Variants in VGLL4 observed in about 807,000 individuals in gnomAD.
The protein encoded by VGLL4 is vestigial like family member 4, also known as transcription cofactor vestigial-like protein 4.
VGLL4 carries 7 observed loss-of-function variants against 21.0 expected under a neutral mutation model. The observed-to-expected ratio is 0.33, with a 90% CI of 0.19 to 0.63. The LOEUF (loss-of-function observed/expected upper bound fraction) is 0.63. Among genes scored for constraint, VGLL4 ranks in the 20% least tolerant of loss-of-function variants. VGLL4 has a pLI of 0.78. For missense variants in VGLL4, 394 were observed against 425.7 expected, an observed-to-expected ratio of 0.93 and a Z score of 0.66; for synonymous variants, 222 against 173.2, an observed-to-expected ratio of 1.28 and a Z score of -2.21.
chr3:11,578,493 G>A (rs2125217517), intron 2 of VGLL4, among the ~76,000 whole-genome samples: 1 of 151,652 alleles, frequency 6.6e-6, no homozygotes, highest in Non-Finnish European at 1.5e-5. Context: ...CGTACTACAG[G>A]AAGACCTCTG....
intron 2 of VGLL4, among the ~76,000 whole-genome samples, chr3:11,672,248 C>T (rs1423882028): frequency 3.3e-5 from 5 of 152,142 alleles, no homozygotes; most frequent in East Asian, 1.9e-4. Context: ...AATTTAAGTA[C>T]GGAAGGTCAA....
intron 1 of VGLL4, among the ~76,000 whole-genome samples, chr3:11,710,049 A>G (rs888477281): frequency 2.0e-5 from 3 of 152,188 alleles, no homozygotes; most frequent in Non-Finnish European, 4.4e-5. Flanking sequence ...TGGCAAGGGC[A>G]GGAGCAAAAG....
At chr3:11,712,379 C>T (rs539662257) in intron 1 of VGLL4, among the ~76,000 whole-genome samples, 2 of 152,254 alleles carry the variant, frequency 1.3e-5, no homozygotes, top group East Asian at 3.9e-4. Context: ...ATAGATTAAA[C>T]GATGTAACTG....
intron 2 of VGLL4, among the ~76,000 whole-genome samples, chr3:11,576,970 T>A (rs967448946): frequency 3.3e-5 from 5 of 152,214 alleles, no homozygotes; most frequent in Non-Finnish European, 7.3e-5. Flanking sequence ...GAACAGGGCC[T>A]GGCACACAAC....
chr3:11,671,309 G>A (rs1433959633), intron 2 of VGLL4: 12 of 1,565,158 alleles, frequency 7.7e-6, no homozygotes, highest in East Asian at 4.5e-5. Context: ...ACAGGACTCA[G>A]GGATTTTGTC....
At chr3:11,696,583 T>C (rs1169335184) in intron 2 of VGLL4, among the ~76,000 whole-genome samples, 1 of 152,214 alleles carries the variant, frequency 6.6e-6, no homozygotes, top group Non-Finnish European at 1.5e-5. Flanking sequence ...AACCAAATCA[T>C]GTTTTTTCAA....
At chr3:11,721,267 G>C (rs780103958), upstream of VGLL4, 15 of 152,224 alleles carry the variant, frequency 9.9e-5, no homozygotes, top group Non-Finnish European at 1.5e-4. Context: ...TCATATCAAG[G>C]AACAGCACGG....
chr3:11,648,800 A>C (rs1009325243), upstream of VGLL4, among the ~76,000 whole-genome samples: 1 of 151,694 alleles, frequency 6.6e-6, no homozygotes, highest in South Asian at 2.1e-4. Flanking sequence ...CCTTACTAAT[A>C]ATCAAAGAAA....
rs1369505083 is a variant in VGLL4 at position 11,719,563 on chromosome 3, C to G, written c.-14+831G>C. 6.6e-6 allele frequency: 1 copy of G among 151,596 alleles called. No individual in the cohort carries two copies. Among genetic ancestry groups the G allele is most frequent in the African/African-American group, 2.4e-5 (1 of 41,392 alleles). 9.4% of individuals were successfully genotyped at this position (151,596 alleles called of 1,614,324 possible). ...TCGCGCCCGAGCCCCCGCACGGGCC[C>G]CCGCCAAACACGCACACGCACACGC... On this transcript the variant is annotated intron_variant, in intron 1 of 5. Transcript: ENST00000273038. The surrounding 1 kb of genome is among the most constrained non-coding windows in gnomAD (Gnocchi z 4.0).
chr3:11,614,746 G>A (rs1004848335), intron 1 of VGLL4, among the ~76,000 whole-genome samples: 13 of 152,206 alleles, frequency 8.5e-5, no homozygotes, highest in African/African-American at 3.1e-4. Flanking sequence ...TCCTGACACA[G>A]TGGAAGCAGC....
chr3:11,589,146 T>G (rs2074425360), intron 2 of VGLL4, among the ~76,000 whole-genome samples: 1 of 152,164 alleles, frequency 6.6e-6, no homozygotes, highest in African/African-American at 2.4e-5. Flanking sequence ...CTGCACTCTT[T>G]CCTGAACCTG....
At chr3:11,625,240 T>A (rs930592816) in intron 1 of VGLL4, among the ~76,000 whole-genome samples, 2 of 152,198 alleles carry the variant, frequency 1.3e-5, no homozygotes, top group African/African-American at 4.8e-5. Context: ...CTGTGTCACA[T>A]AATTCATCTC....
chr3:11,630,695 C>T (rs892653837), intron 1 of VGLL4, among the ~76,000 whole-genome samples: 3 of 152,106 alleles, frequency 2.0e-5, no homozygotes, highest in African/African-American at 4.8e-5. Context: ...TCCTGAAATG[C>T]TTATACACTG....
chr3:11,589,940 G>A (rs1207340905), intron 2 of VGLL4, among the ~76,000 whole-genome samples: 2 of 152,154 alleles, frequency 1.3e-5, no homozygotes, highest in Non-Finnish European at 1.5e-5. Context: ...GCTTCCACAC[G>A]AGAATTTTGA....
intron 1 of VGLL4, among the ~76,000 whole-genome samples, chr3:11,716,990 C>G (rs1429766675): frequency 2.0e-5 from 3 of 152,110 alleles, no homozygotes; most frequent in East Asian, 1.9e-4. Flanking sequence ...AAAACTTTCT[C>G]TTTCACCAGG....
At chr3:11,602,459 T>C (rs952762639) in intron 1 of VGLL4, among the ~76,000 whole-genome samples, 1 of 152,074 alleles carries the variant, frequency 6.6e-6, no homozygotes, top group Non-Finnish European at 1.5e-5. Context: ...TTTTTTTTTC[T>C]AATATAGTCT....
intron 1 of VGLL4, among the ~76,000 whole-genome samples, chr3:11,636,000 T>C (rs1329427717): frequency 6.6e-6 from 1 of 152,090 alleles, no homozygotes; most frequent in African/African-American, 2.4e-5. Context: ...CAGTGGCTCA[T>C]CAGAAAAACA....
intron 2 of VGLL4, among the ~76,000 whole-genome samples, chr3:11,681,258 C>T (rs1430622469): frequency 1.3e-5 from 2 of 152,058 alleles, no homozygotes; most frequent in Non-Finnish European, 2.9e-5. Context: ...CCACCACGCC[C>T]GGCTAATTTT....
chr3:11,602,828 C>T (rs1300251126), intron 1 of VGLL4, among the ~76,000 whole-genome samples: 2 of 152,146 alleles, frequency 1.3e-5, no homozygotes, highest in Non-Finnish European at 2.9e-5. Flanking sequence ...TAAGCATAGC[C>T]TTTCATAGTA....
Sources: allele counts gnomAD v4.1 joint callset (sites outside exome capture counted in the v4.1 genomes callset), GRCh38; gene constraint gnomAD v4.1.1; non-coding constraint Gnocchi (gnomAD v3.1); transcripts MANE v1.5; gene names NCBI Gene and HGNC (gene_info 2026-07-23, HGNC 2026-07-21).